Variants in IARS2 observed in about 807,000 individuals in gnomAD.
IARS2 encodes the protein isoleucine--tRNA ligase, mitochondrial.
In IARS2, 56 loss-of-function variants were observed where a neutral mutation model predicts 126.3. That is an observed-to-expected ratio of 0.44 (90% CI 0.36 to 0.55). The LOEUF (loss-of-function observed/expected upper bound fraction) is 0.55, where lower values mean the gene tolerates loss of function less well. Ranked by LOEUF, IARS2 falls within the 20% of genes least tolerant of loss-of-function variation. The probability of loss-of-function intolerance (pLI) is 0.00; values close to 1 mark genes in which losing one functional copy is unlikely to be tolerated. For synonymous variants in IARS2, 407 were observed against 441.1 expected (o/e 0.92, Z 0.97); for missense variants, 1,127 against 1,245.9 (o/e 0.90, Z 1.44).
intron 8 of IARS2, among the ~76,000 whole-genome samples, chr1:220,105,071 C>T (rs1303282670): frequency 2.0e-5 from 3 of 151,946 alleles, no homozygotes; most frequent in Non-Finnish European, 4.4e-5. Context: ...ACCATTTGGT[C>T]CTCTTTGGTG....
intron 11 of IARS2, among the ~76,000 whole-genome samples, chr1:220,113,162 G>A (rs1656845970): frequency 6.6e-6 from 1 of 152,240 alleles, no homozygotes; most frequent in Admixed American, 6.5e-5. Flanking sequence ...ACCATGCTCG[G>A]CCAAACTCTT....
Position 220,094,430 on chromosome 1 carries a change from C to G in IARS2, c.214C>G (p.Pro72Ala). ...GGTGCTGCTGCCGCAGACGAGCTTC[C>G]CCATGAAGCTGCTGGGCCGCCAGCA... ...DTVLLPQTSF[P>A]MKLLGRQQPD... The change falls in exon 1 of 23, where the codon CCC becomes GCC. Residue 72 changes from proline to alanine, a missense_variant. By Grantham distance (27) the Pro-to-Ala change is conservative. Coordinates refer to ENST00000366922, the MANE Select transcript of IARS2 (RefSeq NM_018060.4). 1 of 1,611,860 alleles carries G rather than the reference C, an allele frequency of 6.2e-7. No individual in the cohort carries two copies. The highest frequency in any genetic ancestry group is 8.5e-7 in the Non-Finnish European group (1 of 1,179,382).
chr1:220,144,034 G>C, intron 21 of IARS2: 1 of 1,505,830 alleles, frequency 6.6e-7, no homozygotes, highest in Non-Finnish European at 9.1e-7. Flanking sequence ...GCCAGCTGAG[G>C]TTGTCAGTAC....
At chr1:220,112,555 CTTTT>C (rs750583631) in intron 11 of IARS2, among the ~76,000 whole-genome samples, 5 of 116,108 alleles carry the variant, frequency 4.3e-5, no homozygotes, top group Non-Finnish European at 1.7e-5. Context: ...AAGATAAGCT[CTTTT>C]TTTTTTTTTT....
At chr1:220,139,775 A>G (rs907715478) in intron 18 of IARS2, among the ~76,000 whole-genome samples, 8 of 152,228 alleles carry the variant, frequency 5.3e-5, no homozygotes, top group South Asian at 4.1e-4. Context: ...GTGTTTTCTC[A>G]TAATTGGAAA....
intron 19 of IARS2, among the ~76,000 whole-genome samples, chr1:220,141,153 A>G (rs1203902298): frequency 6.6e-6 from 1 of 152,188 alleles, no homozygotes; most frequent in African/African-American, 2.4e-5. Context: ...AAAAGCAATA[A>G]TGTGCTTAAA....
At chr1:220,104,176 T>C (rs1656634953) in intron 8 of IARS2, among the ~76,000 whole-genome samples, 2 of 152,214 alleles carry the variant, frequency 1.3e-5, no homozygotes, top group South Asian at 4.1e-4. Context: ...GAATTCTTGT[T>C]GTGTAGCCCA....
intron 14 of IARS2, among the ~76,000 whole-genome samples, chr1:220,132,784 A>T (rs944527743): frequency 6.6e-6 from 1 of 151,874 alleles, no homozygotes; most frequent in Non-Finnish European, 1.5e-5. Context: ...TTTGCCTCCC[A>T]AAGTTCTGGG....
intron 1 of IARS2, 37 bp downstream of exon 1, chr1:220,094,520 G>T: frequency 6.7e-7 from 1 of 1,501,070 alleles, no homozygotes; most frequent in Non-Finnish European, 8.9e-7. Context: ...CTCCAGAGAG[G>T]CCCGATCCGG....
intron 14 of IARS2, among the ~76,000 whole-genome samples, chr1:220,127,326 C>T (rs1242355982): frequency 6.6e-6 from 1 of 152,138 alleles, no homozygotes; most frequent in Non-Finnish European, 1.5e-5. Flanking sequence ...CTTTTTGTGG[C>T]TTTTTCTCCT....
At chr1:220,128,183 A>T (rs1657190781) in intron 14 of IARS2, among the ~76,000 whole-genome samples, 1 of 131,852 alleles carries the variant, frequency 7.6e-6, no homozygotes, top group South Asian at 2.6e-4. Flanking sequence ...GACTTTTCAT[A>T]TATGCAGTTT....
At chr1:220,132,492 CTCTGTTG>C (rs1657289883) in intron 14 of IARS2, among the ~76,000 whole-genome samples, 2 of 148,490 alleles carry the variant, frequency 1.3e-5, no homozygotes, top group African/African-American at 5.0e-5. Flanking sequence ...CTTTGTATTT[CTCTGTTG>C]TCTGTTGTAT....
At position 220,094,340 on chromosome 1, in the gene IARS2, G is replaced by A. The variant is rs748496049; in HGVS notation, c.124G>A (p.Val42Met). Residue 42 changes from valine to methionine, a missense_variant, in exon 1 of 23, where the codon GTG becomes ATG. Val to Met is a conservative substitution (Grantham distance 21). Transcript: ENST00000366922. ...GWQGATKRLL[V>M]RSVSGASNHQ... The stretch of plus-strand genomic sequence containing the variant: ...GCAAGGGGCGACGAAGAGGCTTCTG[G>A]TGCGGTCGGTCTCCGGGGCCAGTAA... 7 of 1,613,102 alleles carry A rather than the reference G, an allele frequency of 4.3e-6. No homozygotes were observed. The highest frequency in any genetic ancestry group is 5.9e-6 in the Non-Finnish European group (7 of 1,179,672).
intron 10 of IARS2, among the ~76,000 whole-genome samples, chr1:220,108,883 A>G (rs973641748): frequency 4.9e-4 from 22 of 44,948 alleles, no homozygotes; most frequent in Non-Finnish European, 9.2e-4. Context: ...TTTTTTTTTT[A>G]TTGGAGGGAC....
At chr1:220,125,426 T>C in intron 13 of IARS2, 87 bp downstream of exon 13, 1 of 806,258 alleles carries the variant, frequency 1.2e-6, no homozygotes, top group Non-Finnish European at 2.0e-6. Context: ...TAAAAAATTA[T>C]CTTATGTAAA....
chr1:220,138,122 T>C, intron 17 of IARS2, 79 bp downstream of exon 17: 5 of 1,490,334 alleles, frequency 3.4e-6, no homozygotes, highest in Middle Eastern at 2.2e-4. Context: ...ACATTTTGTT[T>C]GGAACTGAAA....
chr1:220,103,588 C>T, intron 8 of IARS2, 26 bp downstream of exon 8: 1 of 1,395,942 alleles, frequency 7.2e-7, no homozygotes, highest in Non-Finnish European at 1.0e-6. Flanking sequence ...TATCTGACAA[C>T]ATAGTCATCA....
At chr1:220,138,326 C>G (rs1476574689) in intron 17 of IARS2, among the ~76,000 whole-genome samples, 1 of 152,108 alleles carries the variant, frequency 6.6e-6, no homozygotes, top group Non-Finnish European at 1.5e-5. Flanking sequence ...CAAAAATTAG[C>G]TGGGCATGGT....
intron 1 of IARS2, 38 bp downstream of exon 1, chr1:220,094,521 C>T: frequency 1.3e-6 from 2 of 1,499,038 alleles, no homozygotes; most frequent in South Asian, 2.6e-5. Flanking sequence ...TCCAGAGAGG[C>T]CCGATCCGGC....
Sources: gnomAD v4.1 joint callset for allele counts (sites outside exome capture counted in the v4.1 genomes callset) on GRCh38, gnomAD v4.1.1 for gene constraint, MANE v1.5 for transcripts, NCBI Gene and HGNC (gene_info 2026-07-23, HGNC 2026-07-21) for gene names.